NRDE2: variants seen among roughly 807,000 people sequenced by gnomAD.
NRDE2 encodes NRDE-2, necessary for RNA interference, domain containing.
Under a neutral mutation model 124.2 loss-of-function variants are expected in NRDE2, and 76 were observed. That is an observed-to-expected ratio of 0.61 (90% CI 0.51 to 0.74). The LOEUF (loss-of-function observed/expected upper bound fraction) is 0.74, where lower values mean the gene tolerates loss of function less well. Ranked by LOEUF, NRDE2 falls within the 30% of genes least tolerant of loss-of-function variation. The pLI, the probability that NRDE2 is intolerant of heterozygous loss-of-function variation, is 0.00. For missense variants in NRDE2, 1,314 were observed against 1,417.3 expected (o/e 0.93, Z 1.17); for synonymous variants, 489 against 528.1 (o/e 0.93, Z 1.01).
At chr14:90,326,350 C>T (rs868347239) in intron 1 of NRDE2, among the ~76,000 whole-genome samples, 13 of 151,710 alleles carry the variant, frequency 8.6e-5, no homozygotes, top group South Asian at 2.1e-4. Flanking sequence ...AAAAATTAGC[C>T]GGGCGCGGTG....
intron 8 of NRDE2, among the ~76,000 whole-genome samples, chr14:90,294,918 A>C (rs778111357): frequency 5.3e-5 from 8 of 152,172 alleles, no homozygotes; most frequent in Non-Finnish European, 1.0e-4. Flanking sequence ...ACAGAGAGAG[A>C]ACAGATTAGT....
At chr14:90,326,380 G>A (rs972063956) in intron 1 of NRDE2, among the ~76,000 whole-genome samples, 3 of 151,920 alleles carry the variant, frequency 2.0e-5, no homozygotes, top group Non-Finnish European at 2.9e-5. Context: ...TGTAGTCCCA[G>A]CTACTCGGGA....
intron 12 of NRDE2, chr14:90,279,875 A>G (rs1404417269): frequency 6.6e-6 from 1 of 151,984 alleles, no homozygotes; most frequent in East Asian, 1.9e-4. Flanking sequence ...TGTGGAGCTG[A>G]AGTCTCTGTT....
intron 3 of NRDE2, among the ~76,000 whole-genome samples, chr14:90,314,592 T>C (rs1165920994): frequency 6.6e-6 from 1 of 152,200 alleles, no homozygotes; most frequent in Non-Finnish European, 1.5e-5. Flanking sequence ...TTAAAACTCA[T>C]TTTCCCCAGC....
At chr14:90,296,496 C>T (rs1001879836) in intron 8 of NRDE2, among the ~76,000 whole-genome samples, 3 of 152,190 alleles carry the variant, frequency 2.0e-5, no homozygotes, top group Non-Finnish European at 4.4e-5. Context: ...CCCAAAACAC[C>T]TGAAGGGCCC....
chr14:90,306,942 CA>C (rs1325564713), intron 4 of NRDE2, among the ~76,000 whole-genome samples: 1 of 152,114 alleles, frequency 6.6e-6, no homozygotes, highest in Non-Finnish European at 1.5e-5. Context: ...ATTAGTCTCA[CA>C]AAAAATATAC....
rs377613186 is a variant in NRDE2 at position 90,278,169 on chromosome 14, CAAA to C, written c.*164_*166del. On this transcript the variant is annotated 3_prime_UTR_variant, in exon 14 of 14. Transcript: ENST00000354366. ...ATAACTTTTGTGTCATTTACACACC[CAAA>C]AAGTGTGCAAGATGTGAGAGGCTGG... The C allele has an allele frequency of 4.2e-6, 3 of 708,576 alleles. No individual in the cohort carries two copies. Among genetic ancestry groups the C allele is most frequent in the Non-Finnish European group, 7.0e-6 (3 of 431,262 alleles). 43.9% of individuals were successfully genotyped at this position (708,576 alleles called of 1,614,324 possible). A position where few individuals can be genotyped will look rare whatever the true frequency, so the allele number is the denominator to read the frequency against.
chr14:90,303,050 G>A lies in NRDE2; in HGVS notation c.1081C>T (p.Leu361Phe), dbSNP rs775950012. ...ATGGCCAGCTTCTTCTCCAGAATGA[G>A]CTTCAGGGACCTCTTTCGCTTTTCC... Reference protein sequence around the residue: ...EQEKRKRSLKLILEKKLAILE... With the variant: ...EQEKRKRSLKFILEKKLAILE... Residue 361 changes from leucine (L) to phenylalanine (F), a missense_variant, in exon 6 of 14, where the codon CTC becomes TTC. Physicochemically the swap from Leu to Phe is conservative, Grantham distance 22. Coordinates refer to ENST00000354366, the MANE Select transcript of NRDE2 (RefSeq NM_017970.4). 8.3e-5 allele frequency: 134 copies of A among 1,613,854 alleles called. No individual in the cohort carries two copies. Among genetic ancestry groups the A allele is most frequent in the Non-Finnish European group, 1.0e-4 (123 of 1,180,042 alleles).
Position 90,274,838 on chromosome 14 carries a change from A to ACACACACACACACACCCC in NRDE2, c.*3497_*3498insGGGGTGTGTGTGTGTGTG, listed in dbSNP as rs1491397403. On this transcript the variant is annotated 3_prime_UTR_variant, in exon 14 of 14. Transcript: ENST00000354366. ...CACACACACACACACACACACACAC[A>ACACACACACACACACCCC]CCCCAATACATATGAATTGATCTGA... 1.5e-5 allele frequency: 1 copy of ACACACACACACACACCCC among 67,186 alleles called. No homozygotes were observed. The highest frequency in any genetic ancestry group is 3.2e-5 in the Non-Finnish European group (1 of 31,320). The allele number at this position is 67,186 out of a possible 1,614,324, so 4.2% of individuals were successfully genotyped here. A position where few individuals can be genotyped will look rare whatever the true frequency, so the allele number is the denominator to read the frequency against.
Position 90,329,702 on chromosome 14 carries a change from G to A in NRDE2, c.64+2139C>T, listed in dbSNP as rs185627846. 6.9e-4 allele frequency among the ~76,000 whole-genome samples: 105 copies of A among 151,438 alleles called. No homozygotes were observed. The Middle Eastern group carries it at 0.014, about 20-fold the overall frequency. ...AAATACAAAAAATTAGCCAGGTGTG[G>A]TGGTGCATGCCTGTAATCCAAGCTA... On this transcript the variant is annotated intron_variant, in intron 1 of 13. Transcript: ENST00000354366.
Position 90,330,989 on chromosome 14 carries a change from C to T in NRDE2, c.64+852G>A, listed in dbSNP as rs533313473. 2.6e-5 allele frequency among the ~76,000 whole-genome samples: 4 copies of T among 151,822 alleles called. No homozygotes were observed. In the East Asian group the frequency reaches 5.8e-4, roughly 22 times the overall value. ...CACCCCAGGGCAGGATGCAGCGGCA[C>T]GATCATGGCTCACTGCGGCCTCAAA... On this transcript the variant is annotated intron_variant, in intron 1 of 13. Coordinates refer to ENST00000354366, the MANE Select transcript of NRDE2 (RefSeq NM_017970.4).
chr14:90,327,423 C>T (rs766389124), intron 1 of NRDE2, among the ~76,000 whole-genome samples: 1 of 152,204 alleles, frequency 6.6e-6, no homozygotes, highest in Non-Finnish European at 1.5e-5. Flanking sequence ...GTGGTGCACA[C>T]TAGCAGTCCT....
intron 12 of NRDE2, 35 bp from the exon 13 acceptor site, chr14:90,279,168 G>T: frequency 6.6e-7 from 1 of 1,518,496 alleles, no homozygotes; most frequent in Middle Eastern, 1.7e-4. Context: ...AACATGATTA[G>T]TTGACACAGA....
At chr14:90,306,110 C>T (rs897049173) in intron 4 of NRDE2, among the ~76,000 whole-genome samples, 6 of 152,156 alleles carry the variant, frequency 3.9e-5, no homozygotes, top group Admixed American at 3.9e-4. Context: ...GTTATACGAG[C>T]ATTCACTGTA....
chr14:90,291,394 G>A (rs934863376), intron 9 of NRDE2, among the ~76,000 whole-genome samples: 2 of 152,172 alleles, frequency 1.3e-5, no homozygotes, highest in Non-Finnish European at 2.9e-5. Context: ...AAATAAATTA[G>A]AAAGCTTTTC....
At chr14:90,319,337 T>A (rs747245538) in intron 1 of NRDE2, among the ~76,000 whole-genome samples, 3 of 152,230 alleles carry the variant, frequency 2.0e-5, no homozygotes, top group Non-Finnish European at 4.4e-5. Context: ...AGATATAATT[T>A]ACATACCATA....
intron 8 of NRDE2, among the ~76,000 whole-genome samples, chr14:90,293,668 T>TA (rs772722634): frequency 2.0e-5 from 3 of 152,254 alleles, no homozygotes; most frequent in Non-Finnish European, 4.4e-5. Flanking sequence ...TAGATTTTCT[T>TA]AAGTCATCCG....
intron 13 of NRDE2, 46 bp downstream of exon 13, chr14:90,279,016 G>T: frequency 1.5e-6 from 2 of 1,373,510 alleles, no homozygotes; most frequent in Non-Finnish European, 2.1e-6. Context: ...GAGACCTGGC[G>T]GGAAGTTTTC....
intron 1 of NRDE2, among the ~76,000 whole-genome samples, chr14:90,320,853 AACTAAG>A (rs2139711331): frequency 6.6e-6 from 1 of 152,302 alleles, no homozygotes; most frequent in African/African-American, 2.4e-5. Flanking sequence ...TAGAAGAGGA[AACTAAG>A]ACTCAAAGGG....
Sources: gnomAD v4.1 joint callset for allele counts (sites outside exome capture counted in the v4.1 genomes callset) on GRCh38, gnomAD v4.1.1 for gene constraint, MANE v1.5 for transcripts, NCBI Gene and HGNC (gene_info 2026-07-23, HGNC 2026-07-21) for gene names.